Variants in PRKCB observed in about 807,000 individuals in gnomAD.
PRKCB encodes the protein protein kinase C beta type.
Under a neutral mutation model 81.5 loss-of-function variants are expected in PRKCB, and 13 were observed. That is an observed-to-expected ratio of 0.16 (90% CI 0.10 to 0.25). The LOEUF is 0.25. Ranked by LOEUF, PRKCB falls within the 10% of genes least tolerant of loss-of-function variation. The pLI is 1.00. For missense variants in PRKCB, 509 were observed against 875.7 expected (o/e 0.58, Z 5.29); for synonymous variants, 335 against 321.4 (o/e 1.04, Z -0.45).
intron 2 of PRKCB, among the ~76,000 whole-genome samples, chr16:23,871,905 T>A (rs1962912232): frequency 6.6e-6 from 1 of 150,780 alleles, no homozygotes; most frequent in Non-Finnish European, 1.5e-5. Context: ...CATCTGTAAC[T>A]GTTTAAAATA....
At chr16:23,994,818 G>A (rs989619498) in intron 3 of PRKCB, among the ~76,000 whole-genome samples, 7 of 152,162 alleles carry the variant, frequency 4.6e-5, no homozygotes, top group African/African-American at 1.7e-4. Context: ...AGCTGGTAAG[G>A]CTAGCAATAC....
chr16:23,967,856 T>C (rs9932975), intron 2 of PRKCB, among the ~76,000 whole-genome samples: 3,240 of 152,330 alleles, frequency 0.021, 106 homozygotes, highest in African/African-American at 0.074. Flanking sequence ...TTTTGCCTTG[T>C]TGGCCAGGTT....
chr16:24,179,402 G>T (rs1279249326), intron 12 of PRKCB, among the ~76,000 whole-genome samples: 1 of 152,224 alleles, frequency 6.6e-6, no homozygotes, highest in Non-Finnish European at 1.5e-5. Flanking sequence ...ACCCAATCAA[G>T]ATGACCGAAG....
chr16:23,863,975 C>G (rs1454502606), intron 2 of PRKCB, among the ~76,000 whole-genome samples: 2 of 152,094 alleles, frequency 1.3e-5, no homozygotes, highest in African/African-American at 4.8e-5. Flanking sequence ...TTTGTACCAG[C>G]CCGTCAGTAA....
At chr16:24,002,118 G>C (rs1445956222) in intron 3 of PRKCB, among the ~76,000 whole-genome samples, 2 of 152,118 alleles carry the variant, frequency 1.3e-5, no homozygotes, top group East Asian at 3.8e-4. Flanking sequence ...CTGGGTCTTG[G>C]TCAGCTAGTG....
intron 10 of PRKCB, 28 bp from the exon 11 acceptor site, chr16:24,172,242 A>T: frequency 6.4e-7 from 1 of 1,560,614 alleles, no homozygotes; most frequent in Non-Finnish European, 8.8e-7. Flanking sequence ...ACGGGATGCT[A>T]ATGTTGCTGT....
intron 2 of PRKCB, among the ~76,000 whole-genome samples, chr16:23,896,248 C>CT (rs1963377393): frequency 6.6e-6 from 1 of 152,200 alleles, no homozygotes; most frequent in Non-Finnish European, 1.5e-5. Flanking sequence ...CAATTCAAGA[C>CT]TTTTTTAAAG....
intron 5 of PRKCB, among the ~76,000 whole-genome samples, chr16:24,055,649 G>T (rs1042974440): frequency 1.3e-5 from 2 of 152,198 alleles, no homozygotes; most frequent in African/African-American, 4.8e-5. Context: ...ACCTAAGCAG[G>T]CTTTCAAATT....
chr16:24,154,216 A>G (rs1449827658), intron 9 of PRKCB, among the ~76,000 whole-genome samples: 1 of 152,190 alleles, frequency 6.6e-6, no homozygotes, highest in Non-Finnish European at 1.5e-5. Context: ...TGGATGCAGA[A>G]TCACCCCTGT....
chr16:24,014,205 C>G (rs1023454178), intron 3 of PRKCB, among the ~76,000 whole-genome samples: 2 of 152,064 alleles, frequency 1.3e-5, no homozygotes, highest in African/African-American at 2.4e-5. Flanking sequence ...TTTACGGGAC[C>G]CCCCACTTAG....
At chr16:24,200,445 T>G (rs1453994610) in intron 16 of PRKCB, among the ~76,000 whole-genome samples, 1 of 152,234 alleles carries the variant, frequency 6.6e-6, no homozygotes, top group East Asian at 1.9e-4. Context: ...TGGTTGGAAT[T>G]GTCAGGTTCC....
chr16:24,205,233 C>G (rs1968027112), intron 16 of PRKCB, among the ~76,000 whole-genome samples: 1 of 149,642 alleles, frequency 6.7e-6, no homozygotes, highest in South Asian at 2.1e-4. Context: ...TCACTGCAGC[C>G]TCCAGTTCCT....
chr16:23,915,688 T>TG (rs1963726297), intron 2 of PRKCB, among the ~76,000 whole-genome samples: 1 of 2,652 alleles, frequency 3.8e-4, no homozygotes, highest in Non-Finnish European at 1.1e-3. Context: ...AGACTCTCTA[T>TG]CAAAAAAAAA....
At chr16:23,873,904 C>A (rs1402570339) in intron 2 of PRKCB, among the ~76,000 whole-genome samples, 2 of 152,072 alleles carry the variant, frequency 1.3e-5, no homozygotes, top group African/African-American at 2.4e-5. Flanking sequence ...TTTAAAATAC[C>A]CTTTAGCACA....
intron 3 of PRKCB, among the ~76,000 whole-genome samples, chr16:23,997,995 G>A (rs1964982207): frequency 1.3e-5 from 2 of 152,160 alleles, no homozygotes; most frequent in African/African-American, 4.8e-5. Flanking sequence ...GTCTGTGAGG[G>A]TGTTTTCAAG....
rs73550404 is a variant in PRKCB, at chr16:24,194,443, C to G, written c.1863+3213C>G. 6.2e-3 allele frequency among the ~76,000 whole-genome samples: 944 copies of G among 152,226 alleles called. 12 individuals are homozygous for G. The highest frequency in any genetic ancestry group is 0.022 in the African/African-American group (897 of 41,550). ...CACAGTTTGGGGCAAATAAAACACACCCACACCCATATGTATCCCATGCAT... is the reference window on the plus strand; with the variant it reads ...CACAGTTTGGGGCAAATAAAACACAGCCACACCCATATGTATCCCATGCAT... On this transcript the variant is annotated intron_variant, in intron 16 of 16. Transcript: ENST00000643927.
chr16:24,113,191 C>T, intron 8 of PRKCB, 122 bp downstream of exon 8: 1 of 627,202 alleles, frequency 1.6e-6, no homozygotes, highest in Non-Finnish European at 2.6e-6. Flanking sequence ...TCCTTACTTC[C>T]TTCTTCCTCT....
chr16:23,887,035 A>G lies in PRKCB; in HGVS notation c.205+49629A>G, dbSNP rs147877581. ...GGAACGAATCTGTAAATCCCAGGGC[A>G]TTGCATGAGTTTTCTTTTCTTTCTT... On this transcript the variant is annotated intron_variant, in intron 2 of 16. Transcript: ENST00000643927. Among the ~76,000 whole-genome samples, 416 of 152,226 alleles carry G rather than the reference A, an allele frequency of 2.7e-3. 1 individual carries two copies. Among genetic ancestry groups the G allele is most frequent in the African/African-American group, 9.0e-3 (375 of 41,532 alleles).
At chr16:24,191,974 A>G (rs1443420990) in intron 16 of PRKCB, among the ~76,000 whole-genome samples, 3 of 152,228 alleles carry the variant, frequency 2.0e-5, no homozygotes, top group Non-Finnish European at 4.4e-5. Context: ...TTCTGCTGGG[A>G]GGATATTTCC....
Sources: allele counts gnomAD v4.1 joint callset (sites outside exome capture counted in the v4.1 genomes callset), GRCh38; gene constraint gnomAD v4.1.1; transcripts MANE v1.5; gene names NCBI Gene and HGNC (gene_info 2026-07-23, HGNC 2026-07-21).